The following KHDRBS2 variants were observed in gnomAD, a reference collection of about 807,000 sequenced individuals.
KHDRBS2 encodes KH domain-containing, RNA-binding, signal transduction-associated protein 2.
Under a neutral mutation model 44.3 loss-of-function variants are expected in KHDRBS2, and 26 were observed. The observed-to-expected ratio is 0.59, with a 90% CI of 0.43 to 0.81. The LOEUF (loss-of-function observed/expected upper bound fraction) is 0.81. Ranked by LOEUF, KHDRBS2 falls within the 40% of genes least tolerant of loss-of-function variation. KHDRBS2 has a pLI of 0.00. For synonymous variants in KHDRBS2, 194 were observed against 151.1 expected, an observed-to-expected ratio of 1.28 and a Z score of -2.08; for missense variants, 476 against 433.1, an observed-to-expected ratio of 1.10 and a Z score of -0.88.
intron 6 of KHDRBS2, among the ~76,000 whole-genome samples, chr6:61,844,862 GA>G (rs1221256828): frequency 6.6e-6 from 1 of 151,860 alleles, no homozygotes; most frequent in East Asian, 1.9e-4. Context: ...CTTATTTCCT[GA>G]ATTTTGTAAT....
At chr6:61,838,404 C>A (rs112797041) in intron 6 of KHDRBS2, among the ~76,000 whole-genome samples, 1 of 151,836 alleles carries the variant, frequency 6.6e-6, no homozygotes, top group Admixed American at 6.6e-5. Context: ...ATGAAGAACA[C>A]GCTAATGTTT....
the KHDRBS2 span, among the ~76,000 whole-genome samples, chr6:61,602,226 C>T: frequency 6.6e-6 from 1 of 152,092 alleles, no homozygotes; most frequent in East Asian, 1.9e-4. Context: ...GTAGAGGCAC[C>T]CAAGTAGCAA....
chr6:61,570,796 A>G, the KHDRBS2 span, among the ~76,000 whole-genome samples: 3 of 152,286 alleles, frequency 2.0e-5, no homozygotes, highest in South Asian at 6.2e-4. Context: ...ATTGTCCGCC[A>G]AGACTTTTGT....
intron 8 of KHDRBS2, among the ~76,000 whole-genome samples, chr6:61,686,796 TC>T (rs1435635460): frequency 2.0e-5 from 3 of 151,114 alleles, no homozygotes; most frequent in African/African-American, 7.3e-5. Flanking sequence ...CCTCTTTTTT[TC>T]CCCCTATAAA....
In KHDRBS2 at chr6:62,177,229, T is replaced by C; in HGVS notation, c.175A>G (p.Lys59Glu). 1 of 1,596,100 alleles carries C rather than the reference T, an allele frequency of 6.3e-7. No individual in the cohort carries two copies. The highest frequency in any genetic ancestry group is 1.3e-5 in the African/African-American group (1 of 74,584). Residue 59 changes from lysine to glutamate, a missense_variant, in exon 2 of 9, where the codon AAG (lysine) becomes GAG (glutamate). Physicochemically the swap from Lys to Glu is moderately conservative, Grantham distance 56 (BLOSUM62 1). Coordinates refer to ENST00000281156, the MANE Select transcript of KHDRBS2 (RefSeq NM_152688.4). ...GGAATCAGTACTCTTTCTGAGAGCT[T>C]TATGTTTTTGTTGCTGATGACATCA... ...YLDVISNKNIKLSERVLIPVK... is the reference protein window; with the variant it reads ...YLDVISNKNIELSERVLIPVK...
At chr6:62,126,871 T>G (rs1809101278) in intron 2 of KHDRBS2, among the ~76,000 whole-genome samples, 1 of 152,336 alleles carries the variant, frequency 6.6e-6, no homozygotes, top group Non-Finnish European at 1.5e-5. Context: ...AGAACCATGA[T>G]TTATTTAACT....
chr6:61,954,448 C>A (rs1465914070), intron 4 of KHDRBS2, among the ~76,000 whole-genome samples: 1 of 106,498 alleles, frequency 9.4e-6, no homozygotes, highest in Non-Finnish European at 2.1e-5. Flanking sequence ...TACATATATA[C>A]GTATGTATGT....
the KHDRBS2 span, among the ~76,000 whole-genome samples, chr6:61,648,560 A>AACAC: frequency 9.2e-5 from 14 of 152,136 alleles, no homozygotes; most frequent in African/African-American, 3.4e-4. Flanking sequence ...TTTAGAGATG[A>AACAC]ACACACGTTC....
intron 7 of KHDRBS2, among the ~76,000 whole-genome samples, chr6:61,729,346 G>T (rs921998887): frequency 6.6e-6 from 1 of 152,006 alleles, no homozygotes; most frequent in Non-Finnish European, 1.5e-5. Context: ...AGGAGGGAGA[G>T]GATCAGGAAA....
rs535198364 is a variant in KHDRBS2 at position 62,150,321 on chromosome 6, G to C, written c.219+26864C>G. Among the ~76,000 whole-genome samples, 19 of 150,650 alleles carry C rather than the reference G, an allele frequency of 1.3e-4. No individual in the cohort carries two copies. The South Asian group carries it at 3.8e-3, about 30-fold the overall frequency. ...ATTGTGGAAAAAAAAAAAAAGTCTA[G>C]AAATTGTAGCATACATGGTCTTGCT... On this transcript the variant is annotated intron_variant, in intron 2 of 8. Transcript: ENST00000281156.
intron 2 of KHDRBS2, among the ~76,000 whole-genome samples, chr6:62,050,493 A>G (rs1237690618): frequency 6.6e-6 from 1 of 151,996 alleles, no homozygotes; most frequent in Admixed American, 6.6e-5. Context: ...AAAAAATTGA[A>G]TAGATAAGCC....
At chr6:61,719,982 T>G (rs1014607599) in intron 7 of KHDRBS2, among the ~76,000 whole-genome samples, 1 of 152,092 alleles carries the variant, frequency 6.6e-6, no homozygotes, top group South Asian at 2.1e-4. Context: ...CCTGTGTCCA[T>G]GTGTTCTCAT....
chr6:61,631,210 C>T, the KHDRBS2 span, among the ~76,000 whole-genome samples: 3 of 144,606 alleles, frequency 2.1e-5, no homozygotes, highest in Non-Finnish European at 1.5e-5. Flanking sequence ...TGCTTACATG[C>T]TAATATAATG....
chr6:62,102,845 T>C (rs1370537837), intron 2 of KHDRBS2, among the ~76,000 whole-genome samples: 1 of 152,166 alleles, frequency 6.6e-6, no homozygotes, highest in African/African-American at 2.4e-5. Flanking sequence ...ACAGCTCCTT[T>C]TGCTCACAAT....
chr6:61,746,744 C>G (rs972529004), intron 6 of KHDRBS2, among the ~76,000 whole-genome samples: 1 of 152,002 alleles, frequency 6.6e-6, no homozygotes, highest in African/African-American at 2.4e-5. Flanking sequence ...GGATTAAATA[C>G]TTAAATGTAA....
intron 2 of KHDRBS2, among the ~76,000 whole-genome samples, chr6:62,129,683 A>C (rs1238594902): frequency 6.6e-6 from 1 of 152,148 alleles, no homozygotes; most frequent in Non-Finnish European, 1.5e-5. Flanking sequence ...GAGACTATTT[A>C]AATTTAAATT....
chr6:61,588,256 A>G, the KHDRBS2 span, among the ~76,000 whole-genome samples: 5 of 152,200 alleles, frequency 3.3e-5, no homozygotes, highest in African/African-American at 1.2e-4. Flanking sequence ...AATTGTGTCA[A>G]TAACTCTAAA....
chr6:62,258,764 A>G (rs566528017), intron 1 of KHDRBS2, among the ~76,000 whole-genome samples: 1 of 151,954 alleles, frequency 6.6e-6, no homozygotes, highest in South Asian at 2.1e-4. Flanking sequence ...GAAATCCAAA[A>G]CTCTTCTATA....
At chr6:62,078,770 C>A (rs1796831475) in intron 2 of KHDRBS2, among the ~76,000 whole-genome samples, 1 of 151,918 alleles carries the variant, frequency 6.6e-6, no homozygotes, top group South Asian at 2.1e-4. Flanking sequence ...ACTTTAGTTT[C>A]TACTTCCATG....
Sources: gnomAD v4.1 joint callset for allele counts (sites outside exome capture counted in the v4.1 genomes callset) on GRCh38, gnomAD v4.1.1 for gene constraint, MANE v1.5 for transcripts, NCBI Gene and HGNC (gene_info 2026-07-23, HGNC 2026-07-21) for gene names.